The following GRAMD4 variants were observed in gnomAD, a reference collection of about 807,000 sequenced individuals.
The protein encoded by GRAMD4 is GRAM domain containing 4.
GRAMD4 carries 25 observed loss-of-function variants against 83.9 expected under a neutral mutation model. The ratio of observed to expected loss-of-function variants is 0.30; its 90% CI spans 0.22 to 0.42. The LOEUF is 0.42. GRAMD4 is among the 10% of genes least tolerant of loss of function. GRAMD4 has a pLI of 1.00. For missense variants in GRAMD4, 593 were observed against 788.7 expected, an observed-to-expected ratio of 0.75 and a Z score of 2.97; for synonymous variants, 336 against 320.9, an observed-to-expected ratio of 1.05 and a Z score of -0.50.
At chr22:46,670,365 G>A (rs2082483463) in intron 13 of GRAMD4, among the ~76,000 whole-genome samples, 2 of 152,230 alleles carry the variant, frequency 1.3e-5, no homozygotes, top group African/African-American at 4.8e-5. Flanking sequence ...GGCAGAGCCA[G>A]ATCTGATCAG....
At chr22:46,604,114 C>T (rs184168411) in intron 1 of GRAMD4, among the ~76,000 whole-genome samples, 20 of 152,300 alleles carry the variant, frequency 1.3e-4, no homozygotes, top group Non-Finnish European at 7.3e-5. Flanking sequence ...TGTACCTTCT[C>T]GTGGCTCTGT....
intron 3 of GRAMD4, among the ~76,000 whole-genome samples, chr22:46,643,159 C>CCATCCATCCATGCATGCATG (rs2082008390): frequency 2.2e-5 from 1 of 45,228 alleles, no homozygotes; most frequent in Non-Finnish European, 5.3e-5. Flanking sequence ...ATCCATCCAT[C>CCATCCATCCATGCATGCATG]CATCCATCCA....
At position 46,625,806 on chromosome 22, in the gene GRAMD4, G is replaced by A. The variant is rs921835505; in HGVS notation, c.-49-945G>A. ...TCCAGGCTTTTGGGGGTGCCTTGGT[G>A]TTGCTGGCCAGGTCGGGCAGCGATG... On this transcript the variant is annotated intron_variant, in intron 1 of 18. Coordinates refer to ENST00000406902, the MANE Select transcript of GRAMD4 (RefSeq NM_015124.5). Among the ~76,000 whole-genome samples the A allele has an allele frequency of 3.9e-5, 6 of 152,268 alleles. No individual in the cohort carries two copies. In the South Asian group the frequency reaches 1.0e-3, roughly 26 times the overall value.
chr22:46,593,597 G>C (rs1475916974), intron 1 of GRAMD4, among the ~76,000 whole-genome samples: 1 of 152,178 alleles, frequency 6.6e-6, no homozygotes, highest in Admixed American at 6.5e-5. Flanking sequence ...GAGGAGGCTT[G>C]TGGGCTGAGA....
At position 46,633,380 on chromosome 22, in the gene GRAMD4, C is replaced by A. The variant is rs867800949; in HGVS notation, c.163-4460C>A. ...TCCCTCTCCTGCCCTCCCTGGGGAG[C>A]CCCCCACCTAATGAAGGTGGGGACT... On this transcript the variant is annotated intron_variant, in intron 2 of 18. Coordinates refer to ENST00000406902, the MANE Select transcript of GRAMD4 (RefSeq NM_015124.5). 7.3e-4 allele frequency among the ~76,000 whole-genome samples: 111 copies of A among 152,326 alleles called. No individual in the cohort carries two copies. The Middle Eastern group carries it at 0.027, about 37-fold the overall frequency.
At chr22:46,619,123 C>T (rs1443480883), upstream of GRAMD4, among the ~76,000 whole-genome samples, 1 of 152,194 alleles carries the variant, frequency 6.6e-6, no homozygotes, top group Non-Finnish European at 1.5e-5. Flanking sequence ...GAGTTTGGGG[C>T]AGCACACATG....
Position 46,578,866 on chromosome 22 carries a change from T to C in GRAMD4, c.-50+1576T>C, listed in dbSNP as rs76821812. 3.7e-3 allele frequency among the ~76,000 whole-genome samples: 571 copies of C among 152,276 alleles called. 29 individuals carry two copies. The East Asian group carries it at 0.092, about 25-fold the overall frequency. On this transcript the variant is annotated intron_variant, in intron 1 of 1. Transcript: ENST00000431155. The stretch of plus-strand genomic sequence containing the variant: ...TGGACCCTTCTGCAGCACTTTGTGG[T>C]CCCGGGGCAGACCTCGAAGCCCCAC...
chr22:46,613,873 C>T (rs1242350397), intron 1 of GRAMD4, among the ~76,000 whole-genome samples: 1 of 152,012 alleles, frequency 6.6e-6, no homozygotes, highest in Non-Finnish European at 1.5e-5. Flanking sequence ...TTAGACCTCA[C>T]CTTCTATTTC....
At chr22:46,643,138 T>TG (rs1569283818) in intron 3 of GRAMD4, among the ~76,000 whole-genome samples, 4 of 53,600 alleles carry the variant, frequency 7.5e-5, no homozygotes, top group East Asian at 4.1e-4. Context: ...CATCCATGCA[T>TG]CCTTCCATCC....
intron 3 of GRAMD4, among the ~76,000 whole-genome samples, chr22:46,657,755 C>T (rs951705925): frequency 9.9e-5 from 15 of 152,216 alleles, no homozygotes; most frequent in African/African-American, 2.2e-4. Flanking sequence ...GCTCTGCTGC[C>T]GACGCGTCCC....
In GRAMD4 at chr22:46,604,431, AGT is replaced by A. The variant is rs372055956; in HGVS notation, c.-49-22315_-49-22314del. Among the ~76,000 whole-genome samples, 821 of 152,274 alleles carry A rather than the reference AGT, an allele frequency of 5.4e-3. 2 individuals carry two copies. The highest frequency in any genetic ancestry group is 0.011 in the Admixed American group (175 of 15,302). ...CAATGTACCGTCTTAACCATTTCGG[AGT>A]GTGTCATTTACTGGCGTTAAAGCAC... On this transcript the variant is annotated intron_variant, in intron 1 of 1. Coordinates refer to the GRAMD4 transcript ENST00000431155.
In GRAMD4 at chr22:46,679,011, C is replaced by G; in HGVS notation, c.*1760C>G. ...GTCTGGCTCCTGTAGGGGACTGGCT[C>G]TCTTGGTGCACCAGGGGAGGGGGAC... On this transcript the variant is annotated 3_prime_UTR_variant, in exon 19 of 19. Transcript: ENST00000406902. 1.0e-6 allele frequency: 1 copy of G among 985,712 alleles called. No individual in the cohort carries two copies. The highest frequency in any genetic ancestry group is 5.2e-4 in the Middle Eastern group (1 of 1,916). 61.1% of individuals were successfully genotyped at this position (985,712 alleles called of 1,614,324 possible).
intron 1 of GRAMD4, among the ~76,000 whole-genome samples, chr22:46,626,030 C>A (rs1569269401): frequency 6.6e-6 from 1 of 152,188 alleles, no homozygotes; most frequent in Non-Finnish European, 1.5e-5. Context: ...TCTGGGAGGG[C>A]TTCTGGGAGG....
chr22:46,627,109 G>A (rs1322072919), intron 2 of GRAMD4, 148 bp downstream of exon 2: 12 of 607,846 alleles, frequency 2.0e-5, no homozygotes, highest in Admixed American at 2.9e-5. Flanking sequence ...ACCTGCTCCC[G>A]ACCCCTGCAG....
At chr22:46,653,929 A>G (rs1749466376) in intron 3 of GRAMD4, among the ~76,000 whole-genome samples, 1 of 152,180 alleles carries the variant, frequency 6.6e-6, no homozygotes, top group South Asian at 2.1e-4. Context: ...CTGCCACAAC[A>G]TGAAGACAGA....
intron 1 of GRAMD4, among the ~76,000 whole-genome samples, chr22:46,580,009 C>T (rs1158988561): frequency 1.3e-5 from 2 of 152,184 alleles, no homozygotes; most frequent in Non-Finnish European, 2.9e-5. Flanking sequence ...GCCTGAGTTC[C>T]TGCCTCCTCC....
At chr22:46,597,649 C>T (rs2081275097) in intron 1 of GRAMD4, among the ~76,000 whole-genome samples, 1 of 152,256 alleles carries the variant, frequency 6.6e-6, no homozygotes, top group Non-Finnish European at 1.5e-5. Context: ...GCCACCACGC[C>T]CGGCTAATTT....
At chr22:46,625,509 T>C (rs1195298987) in intron 1 of GRAMD4, among the ~76,000 whole-genome samples, 1 of 152,270 alleles carries the variant, frequency 6.6e-6, no homozygotes, top group Non-Finnish European at 1.5e-5. Flanking sequence ...CCAGTTGCCC[T>C]GTCTTCTTGA....
rs376121614 is a variant in GRAMD4 at position 46,581,215 on chromosome 22, C to T, written c.-50+3925C>T. Among the ~76,000 whole-genome samples the T allele has an allele frequency of 9.8e-4, 149 of 152,302 alleles. 4 individuals are homozygous for T. In the South Asian group the frequency reaches 0.03, roughly 31 times the overall value. Reference sequence around the variant, plus strand: ...GTGATTAAAGTCCCCTGTGGTTACACAGGAAAGGCAGGAAGTACCGGCCTA... The same window carrying T: ...GTGATTAAAGTCCCCTGTGGTTACATAGGAAAGGCAGGAAGTACCGGCCTA... On this transcript the variant is annotated intron_variant, in intron 1 of 1. Coordinates refer to the GRAMD4 transcript ENST00000431155.
Sources: allele counts gnomAD v4.1 joint callset (sites outside exome capture counted in the v4.1 genomes callset), GRCh38; gene constraint gnomAD v4.1.1; transcripts MANE v1.5; gene names NCBI Gene and HGNC (gene_info 2026-07-23, HGNC 2026-07-21).